Variants in BET1 observed in about 807,000 individuals in gnomAD.
BET1 encodes the protein BET1 homolog.
A neutral mutation model predicts 13.9 loss-of-function variants in BET1; 9 were observed. The ratio of observed to expected loss-of-function variants is 0.65; its 90% CI spans 0.39 to 1.13. The LOEUF (loss-of-function observed/expected upper bound fraction) is 1.13, where lower values mean the gene tolerates loss of function less well. BET1 is among the 50% of genes most tolerant of loss of function. The probability of loss-of-function intolerance (pLI) is 0.01; values close to 1 mark genes in which losing one functional copy is unlikely to be tolerated. For synonymous variants in BET1, 39 were observed against 47.3 expected (o/e 0.82, Z 0.72); for missense variants, 127 against 133.6 (o/e 0.95, Z 0.24).
At chr7:93,979,479 A>G (rs575454795) in intron 4 of BET1, among the ~76,000 whole-genome samples, 10 of 152,262 alleles carry the variant, frequency 6.6e-5, no homozygotes, top group Admixed American at 2.6e-4. Flanking sequence ...GCCTTTAAAC[A>G]TGACTGCAAG....
At chr7:93,986,161 T>C (rs1483829384) in intron 4 of BET1, among the ~76,000 whole-genome samples, 1 of 152,200 alleles carries the variant, frequency 6.6e-6, no homozygotes, top group East Asian at 1.9e-4. Context: ...CAATTAGTTC[T>C]CAAGTATCTC....
intron 4 of BET1, chr7:93,986,993 T>C (rs1250802849): frequency 1.3e-5 from 2 of 152,018 alleles, no homozygotes; most frequent in Non-Finnish European, 2.9e-5. Flanking sequence ...GAACATACCA[T>C]GTAGGTTTGT....
At chr7:93,991,617 T>C (rs1562805424), downstream of BET1, 1 of 177,216 alleles carries the variant, frequency 5.6e-6, no homozygotes, top group Non-Finnish European at 1.1e-5. Flanking sequence ...AGTATATTTC[T>C]ATATTTTTAT....
chr7:93,993,619 C>A lies in BET1; in HGVS notation c.*611G>T. On this transcript the variant is annotated 3_prime_UTR_variant, in exon 4 of 4. Coordinates refer to ENST00000222547, the MANE Select transcript of BET1 (RefSeq NM_005868.6). ...GATACACATGTGCAATGGGCCCTAC[C>A]AGAAATATGCCAAAATAACAAGTTT... The A allele has an allele frequency of 8.0e-7, 1 of 1,249,418 alleles. No homozygotes were observed. The highest frequency in any genetic ancestry group is 2.7e-5 in the South Asian group (1 of 36,624). 77.4% of individuals were successfully genotyped at this position (1,249,418 alleles called of 1,614,324 possible).
intron 4 of BET1, among the ~76,000 whole-genome samples, chr7:93,984,177 T>C (rs1431790212): frequency 6.6e-6 from 1 of 152,146 alleles, no homozygotes; most frequent in Non-Finnish European, 1.5e-5. Context: ...GGCATATTGC[T>C]CAATCTCTGC....
At chr7:93,971,303 C>T (rs566570615) in intron 6 of BET1, among the ~76,000 whole-genome samples, 2 of 151,790 alleles carry the variant, frequency 1.3e-5, no homozygotes, top group Non-Finnish European at 3.0e-5. Context: ...GAAACAGGTA[C>T]CATATAATGA....
At chr7:93,969,010 G>T (rs1795218860) in intron 6 of BET1, among the ~76,000 whole-genome samples, 1 of 151,810 alleles carries the variant, frequency 6.6e-6, no homozygotes, top group Admixed American at 6.6e-5. Context: ...TGTGAAAGAT[G>T]AGATAGAAAC....
intron 4 of BET1, among the ~76,000 whole-genome samples, chr7:93,982,244 G>A (rs2116069796): frequency 6.6e-6 from 1 of 152,150 alleles, no homozygotes; most frequent in Non-Finnish European, 1.5e-5. Flanking sequence ...CTATAATTAT[G>A]AAGCTCATTG....
At chr7:93,986,919 A>G (rs959859032) in intron 4 of BET1, among the ~76,000 whole-genome samples, 12 of 152,252 alleles carry the variant, frequency 7.9e-5, no homozygotes, top group Admixed American at 5.9e-4. Flanking sequence ...TCCGTATAGT[A>G]CATGCTATAC....
Position 93,981,541 on chromosome 7 carries a change from G to A in BET1, c.236-5441C>T, listed in dbSNP as rs188822066. Among the ~76,000 whole-genome samples, 316 of 152,254 alleles carry A rather than the reference G, an allele frequency of 2.1e-3. 2 individuals carry two copies. Among genetic ancestry groups the A allele is most frequent in the African/African-American group, 7.3e-3 (305 of 41,552 alleles). On this transcript the variant is annotated intron_variant and NMD_transcript_variant, in intron 4 of 6. Coordinates refer to the BET1 transcript ENST00000357520. ...AAACAGCAGCAAGGCAGAGAAGAAA[G>A]GGGACCAAAATGCAAAGAGAGCATA...
chr7:93,978,993 C>T (rs1036822573), intron 4 of BET1, among the ~76,000 whole-genome samples: 1 of 152,180 alleles, frequency 6.6e-6, no homozygotes, highest in Admixed American at 6.5e-5. Context: ...ACTAAATGCT[C>T]AAGGCCTCTG....
At chr7:93,975,425 T>A (rs183812038) in intron 5 of BET1, among the ~76,000 whole-genome samples, 49 of 152,228 alleles carry the variant, frequency 3.2e-4, no homozygotes, top group African/African-American at 1.1e-3. Context: ...TTTTATTTTT[T>A]CCTTAATTTT....
chr7:93,974,247 C>T (rs967352874), intron 5 of BET1, among the ~76,000 whole-genome samples: 1 of 151,824 alleles, frequency 6.6e-6, no homozygotes, highest in African/African-American at 2.4e-5. Context: ...ATGCAATAAC[C>T]AGTATAATAT....
chr7:94,000,271 AT>A (rs35875914), intron 1 of BET1: 623 of 142,340 alleles, frequency 4.4e-3, no homozygotes, highest in Non-Finnish European at 5.5e-3. Flanking sequence ...CACCTGGCTA[AT>A]TTTTTTTTTT....
At chr7:93,975,919 T>C (rs1272771970) in exon 5 of BET1, 1 of 1,148,416 alleles carries the variant, frequency 8.7e-7, no homozygotes, top group Non-Finnish European at 1.1e-6. Flanking sequence ...TCTTGGAAGA[T>C]TTGGAAGGCT....
At chr7:93,963,566 T>C (rs1056348142) in exon 7 of BET1, 2 of 152,070 alleles carry the variant, frequency 1.3e-5, no homozygotes, top group Admixed American at 6.6e-5. Flanking sequence ...AGAACAATGA[T>C]GGATATGTGG....
intron 4 of BET1, among the ~76,000 whole-genome samples, chr7:93,983,495 T>C (rs1189906946): frequency 6.6e-6 from 1 of 152,180 alleles, no homozygotes; most frequent in Non-Finnish European, 1.5e-5. Flanking sequence ...ACATGTTTTC[T>C]GCATCAATGG....
chr7:93,993,457 T>A lies in BET1; in HGVS notation c.*773A>T, dbSNP rs1795684200. On this transcript the variant is annotated 3_prime_UTR_variant, in exon 4 of 4. Transcript: ENST00000222547. ...GAGTTTCTTGCATACTATTTCCATT[T>A]AAAGTTCAGTAATTACTTAACTTCA... 1.0e-6 allele frequency: 1 copy of A among 981,144 alleles called. No individual in the cohort carries two copies. The highest frequency in any genetic ancestry group is 1.7e-5 in the African/African-American group (1 of 57,322). The allele number at this position is 981,144 out of a possible 1,614,324, so 60.8% of individuals were successfully genotyped here.
At chr7:93,991,934 A>C, downstream of BET1, 2 of 982,390 alleles carry the variant, frequency 2.0e-6, no homozygotes, top group Non-Finnish European at 2.4e-6. Flanking sequence ...GCATTAAAAA[A>C]TTAGGAAAAC....
Sources: gnomAD v4.1 joint callset for allele counts (sites outside exome capture counted in the v4.1 genomes callset) on GRCh38, gnomAD v4.1.1 for gene constraint, MANE v1.5 for transcripts, NCBI Gene and HGNC (gene_info 2026-07-23, HGNC 2026-07-21) for gene names.